The following DYNC1LI1 variants were observed in gnomAD, a reference collection of about 807,000 sequenced individuals.
The protein encoded by DYNC1LI1 is dynein cytoplasmic 1 light intermediate chain 1.
DYNC1LI1 carries 19 observed loss-of-function variants against 63.8 expected under a neutral mutation model. That is an observed-to-expected ratio of 0.30 (90% CI 0.21 to 0.44). The LOEUF (loss-of-function observed/expected upper bound fraction) is 0.44. DYNC1LI1 is among the 20% of genes least tolerant of loss of function. The pLI is 1.00. For missense variants in DYNC1LI1, 565 were observed against 630.2 expected (o/e 0.90, Z 1.11); for synonymous variants, 225 against 232.3 (o/e 0.97, Z 0.28).
At chr3:32,543,144 A>C (rs1697904749) in intron 4 of DYNC1LI1, among the ~76,000 whole-genome samples, 1 of 152,144 alleles carries the variant, frequency 6.6e-6, no homozygotes, top group Non-Finnish European at 1.5e-5. Context: ...TGGTCCAGGG[A>C]ACCACAGTTC....
intron 2 of DYNC1LI1, among the ~76,000 whole-genome samples, chr3:32,563,289 C>CTTT (rs1292071061): frequency 3.0e-5 from 4 of 133,976 alleles, no homozygotes; most frequent in African/African-American, 5.5e-5. Flanking sequence ...TGGTCACTTA[C>CTTT]TTTTTTTTTT....
At chr3:32,559,319 C>T (rs972296493) in intron 2 of DYNC1LI1, among the ~76,000 whole-genome samples, 11 of 152,152 alleles carry the variant, frequency 7.2e-5, no homozygotes, top group African/African-American at 2.7e-4. Context: ...CAGCTCACTG[C>T]AGCCTCGATC....
Position 32,526,743 on chromosome 3 carries a change from C to T in DYNC1LI1, c.*56G>A, listed in dbSNP as rs950038981. On this transcript the variant is annotated 3_prime_UTR_variant, in exon 13 of 13. Coordinates refer to ENST00000273130, the MANE Select transcript of DYNC1LI1 (RefSeq NM_016141.4). The stretch of plus-strand genomic sequence containing the variant: ...CTAATTCCACTTTTGAAGGAAAAGG[C>T]AGAGGCATGTTTACATTATCCCAGA... 27 of 1,316,792 alleles carry T rather than the reference C, an allele frequency of 2.1e-5. No individual in the cohort carries two copies. The highest frequency in any genetic ancestry group is 2.7e-5 in the Non-Finnish European group (25 of 919,108). 81.6% of individuals were successfully genotyped at this position (1,316,792 alleles called of 1,614,324 possible).
At chr3:32,529,357 C>A (rs745642290) in intron 11 of DYNC1LI1, among the ~76,000 whole-genome samples, 183 bp downstream of exon 11, 2 of 152,134 alleles carry the variant, frequency 1.3e-5, no homozygotes, top group Non-Finnish European at 1.5e-5. Context: ...AATGATGATA[C>A]ATCACAAATA....
Position 32,570,842 on chromosome 3 carries a change from G to A in DYNC1LI1, c.-72C>T. ...CGGCTGAGGCGGTGGCGGTGGAGGC[G>A]GCGGGAACCCGGATATGGGGCGTTC... On this transcript the variant is annotated 5_prime_UTR_variant, in exon 1 of 13. Transcript: ENST00000273130. 6.5e-7 allele frequency: 1 copy of A among 1,528,312 alleles called. No individual in the cohort carries two copies. Among genetic ancestry groups the A allele is most frequent in the South Asian group, 1.2e-5 (1 of 81,178 alleles). The allele number at this position is 1,528,312 out of a possible 1,614,324, so 94.7% of individuals were successfully genotyped here.
At chr3:32,551,733 C>CAG (rs1698045313) in intron 2 of DYNC1LI1, among the ~76,000 whole-genome samples, 1 of 152,174 alleles carries the variant, frequency 6.6e-6, no homozygotes, top group Non-Finnish European at 1.5e-5. Flanking sequence ...ACAGAGAAGT[C>CAG]AGAGAAGACT....
At chr3:32,546,202 G>A (rs1218040318) in intron 2 of DYNC1LI1, among the ~76,000 whole-genome samples, 1 of 152,166 alleles carries the variant, frequency 6.6e-6, no homozygotes, top group African/African-American at 2.4e-5. Flanking sequence ...GAGGTCAGGA[G>A]TTTGAGACCA....
intron 5 of DYNC1LI1, among the ~76,000 whole-genome samples, chr3:32,540,102 C>T (rs1160535359): frequency 6.6e-6 from 1 of 151,738 alleles, no homozygotes. Context: ...ATCTCCTGAC[C>T]TCGTGATCCA....
chr3:32,555,420 C>CT (rs1698101289), intron 2 of DYNC1LI1, among the ~76,000 whole-genome samples: 1 of 152,184 alleles, frequency 6.6e-6, no homozygotes, highest in African/African-American at 2.4e-5. Flanking sequence ...CAAAATCCCA[C>CT]TTTTTATCTC....
At chr3:32,540,116 G>C (rs1031084951) in intron 5 of DYNC1LI1, among the ~76,000 whole-genome samples, 1 of 150,020 alleles carries the variant, frequency 6.7e-6, no homozygotes, top group Admixed American at 6.6e-5. Flanking sequence ...TGATCCACCC[G>C]CCTCAGCCTC....
In DYNC1LI1 at chr3:32,558,858, A is replaced by T. The variant is rs567999119; in HGVS notation, c.220+11488T>A. Among the ~76,000 whole-genome samples, 159 of 152,192 alleles carry T rather than the reference A, an allele frequency of 1.0e-3. 2 individuals carry two copies. In the East Asian group the frequency reaches 0.018, roughly 18 times the overall value. On this transcript the variant is annotated intron_variant, in intron 2 of 12. Coordinates refer to ENST00000273130, the MANE Select transcript of DYNC1LI1 (RefSeq NM_016141.4). ...CAAAACTCCATCTCAAAAAAAAAAA[A>T]AATAATAACAACAATTAACAGATTA... is the stretch of plus-strand genomic sequence containing the variant.
chr3:32,569,029 A>G (rs1305590740), intron 2 of DYNC1LI1, among the ~76,000 whole-genome samples: 1 of 152,250 alleles, frequency 6.6e-6, no homozygotes, highest in Non-Finnish European at 1.5e-5. Flanking sequence ...AGTTTAAGAT[A>G]AATCCATGAC....
rs757443756 is a variant in DYNC1LI1 at position 32,544,944 on chromosome 3, C to T, written c.500G>A (p.Ser167Asn). Residue 167 changes from serine to asparagine, a missense_variant, in exon 4 of 13, where the codon AGT (serine) becomes AAT (asparagine). Ser to Asn is a conservative substitution (Grantham distance 46). Transcript: ENST00000273130. ...TALDSLQKWA[S>N]VVREHVDKLK... ...TTTGTCAACATGTTCTCTAACAACA[C>T]TTGCCCATTTCTGTAAAGAATCCAA... The T allele has an allele frequency of 6.2e-7, 1 of 1,614,090 alleles. No individual in the cohort carries two copies. Among genetic ancestry groups the T allele is most frequent in the Non-Finnish European group, 8.5e-7 (1 of 1,179,998 alleles).
intron 2 of DYNC1LI1, among the ~76,000 whole-genome samples, chr3:32,553,613 T>G (rs1698073315): frequency 6.6e-6 from 1 of 152,232 alleles, no homozygotes; most frequent in Admixed American, 6.5e-5. Flanking sequence ...CTTAGTCAAA[T>G]GGAGCCACTA....
At chr3:32,562,072 A>G (rs1052746365) in intron 2 of DYNC1LI1, among the ~76,000 whole-genome samples, 28 of 152,182 alleles carry the variant, frequency 1.8e-4, no homozygotes, top group Non-Finnish European at 5.9e-5. Flanking sequence ...CAGGAGTTTG[A>G]GACCAGGCTG....
At chr3:32,536,843 A>C (rs1471561955) in intron 6 of DYNC1LI1, among the ~76,000 whole-genome samples, 168 bp downstream of exon 6, 1 of 152,134 alleles carries the variant, frequency 6.6e-6, no homozygotes, top group African/African-American at 2.4e-5. Flanking sequence ...TCTATCTCAA[A>C]ATATCCAAAT....
rs753514013 is a variant in DYNC1LI1 at position 32,526,760 on chromosome 3, T to C, written c.*39A>G. ...GGAAAAGGCAGAGGCATGTTTACAT[T>C]ATCCCAGAAAACAGAATAAATGGCT... On this transcript the variant is annotated 3_prime_UTR_variant, in exon 13 of 13. Coordinates refer to ENST00000273130, the MANE Select transcript of DYNC1LI1 (RefSeq NM_016141.4). 17 of 1,466,074 alleles carry C rather than the reference T, an allele frequency of 1.2e-5. No individual in the cohort carries two copies. The Admixed American group carries it at 2.1e-4, about 18-fold the overall frequency. The allele number at this position is 1,466,074 out of a possible 1,614,324, so 90.8% of individuals were successfully genotyped here.
intron 3 of DYNC1LI1, 166 bp downstream of exon 3, chr3:32,545,683 A>T: frequency 1.6e-6 from 1 of 639,504 alleles, no homozygotes; most frequent in Admixed American, 2.9e-5. Context: ...TATGAATCCC[A>T]ATCCCAAATT....
intron 2 of DYNC1LI1, among the ~76,000 whole-genome samples, chr3:32,551,289 G>A (rs1316610231): frequency 6.6e-6 from 1 of 152,150 alleles, no homozygotes; most frequent in East Asian, 1.9e-4. Flanking sequence ...AATGAACCAT[G>A]GAGAGTCTGT....
Sources: allele counts gnomAD v4.1 joint callset (sites outside exome capture counted in the v4.1 genomes callset), GRCh38; gene constraint gnomAD v4.1.1; transcripts MANE v1.5; gene names NCBI Gene and HGNC (gene_info 2026-07-23, HGNC 2026-07-21).